PAPLN: variants seen among roughly 807,000 people sequenced by gnomAD.
PAPLN encodes the protein papilin.
PAPLN carries 146 observed loss-of-function variants against 159.0 expected under a neutral mutation model. The observed-to-expected ratio is 0.92, with a 90% CI of 0.80 to 1.05. PAPLN has a LOEUF of 1.05. PAPLN is among the 50% of genes least tolerant of loss of function. The pLI is 0.00. For synonymous variants in PAPLN, 734 were observed against 702.9 expected (o/e 1.04, Z -0.70); for missense variants, 1,720 against 1,743.9 (o/e 0.99, Z 0.24).
Position 73,246,180 on chromosome 14 carries a change from G to A in PAPLN, c.334+5G>A, listed in dbSNP as rs748342502. On this transcript the variant is annotated splice_donor_5th_base_variant and intron_variant, in intron 5 of 26. Coordinates refer to ENST00000644200, the MANE Select transcript of PAPLN (RefSeq NM_001365906.3). ...GGTGGCTGCCCTACTACAGCGGTGAGCGCGGCCGGGACTCGCTCTCTCGGG... is the reference window on the plus strand; with the variant it reads ...GGTGGCTGCCCTACTACAGCGGTGAACGCGGCCGGGACTCGCTCTCTCGGG... 5.7e-6 allele frequency: 9 copies of A among 1,569,928 alleles called. No individual in the cohort carries two copies. In the Admixed American group the frequency reaches 1.7e-4, roughly 30 times the overall value.
At chr14:73,236,568 G>A (rs1004723474), upstream of PAPLN, among the ~76,000 whole-genome samples, 36 of 152,302 alleles carry the variant, frequency 2.4e-4, no homozygotes, top group African/African-American at 7.7e-4. Context: ...TGTAATCCCA[G>A]CACTTTGGGA....
chr14:73,266,100 A>C (rs1240972736), intron 23 of PAPLN, among the ~76,000 whole-genome samples: 1 of 152,230 alleles, frequency 6.6e-6, no homozygotes, highest in African/African-American at 2.4e-5. Flanking sequence ...GCACTATAGG[A>C]GGCCGAGACG....
At chr14:73,268,086 C>T (rs1029206738) in intron 25 of PAPLN, among the ~76,000 whole-genome samples, 5 of 151,822 alleles carry the variant, frequency 3.3e-5, no homozygotes, top group African/African-American at 7.3e-5. Flanking sequence ...TTCTGCTTGC[C>T]GTATGCTCCT....
At chr14:73,270,776 C>G (rs1887647708) in intron 26 of PAPLN, among the ~76,000 whole-genome samples, 1 of 152,100 alleles carries the variant, frequency 6.6e-6, no homozygotes, top group Admixed American at 6.5e-5. Flanking sequence ...GATGTGTGTC[C>G]CAGATGGGAC....
chr14:73,250,778 T>C (rs903146143), intron 6 of PAPLN, 129 bp from the exon 7 acceptor site: 3 of 1,160,156 alleles, frequency 2.6e-6, no homozygotes, highest in Non-Finnish European at 1.1e-6. Flanking sequence ...CCCTGGCTGG[T>C]GGCTGAATCA....
At chr14:73,244,415 CCCTCCAGG>C in intron 2 of PAPLN, 1 of 476,924 alleles carries the variant, frequency 2.1e-6, no homozygotes, top group Non-Finnish European at 3.7e-6. Flanking sequence ...CCTGCTCCCG[CCCTCCAGG>C]CCTGGCTCTC....
chr14:73,260,888 C>T lies in PAPLN; in HGVS notation c.2106+59C>T. The T allele has an allele frequency of 3.3e-6, 5 of 1,493,722 alleles. No homozygotes were observed. In the Admixed American group the frequency reaches 7.0e-5, roughly 21 times the overall value. 92.5% of individuals were successfully genotyped at this position (1,493,722 alleles called of 1,614,324 possible). On this transcript the variant is annotated intron_variant, in intron 17 of 26. Coordinates refer to ENST00000644200, the MANE Select transcript of PAPLN (RefSeq NM_001365906.3). ...GCCAGCCCGTGAGCCTGCTCAGTGTCACTGTGACCCAGGATCTTTGCCGCT... is the reference window on the plus strand; with the variant it reads ...GCCAGCCCGTGAGCCTGCTCAGTGTTACTGTGACCCAGGATCTTTGCCGCT...
rs764959054 is a variant in PAPLN, at chr14:73,254,653, C to T, written c.1443C>T (p.Pro481=). The T allele has an allele frequency of 6.2e-7, 1 of 1,614,020 alleles. No homozygotes were observed. The highest frequency in any genetic ancestry group is 2.2e-5 in the East Asian group (1 of 44,892). The change falls in exon 13 of 27, where the codon CCC becomes CCT. Residue 481 remains proline (P), a synonymous_variant. Transcript: ENST00000644200. Reference sequence around the variant, plus strand: ...AGCCCTGTGTGCATGAGGACTGCCCCCTCCTCAGTGACCAGGCCTGGCATG... The same window carrying T: ...AGCCCTGTGTGCATGAGGACTGCCCTCTCCTCAGTGACCAGGCCTGGCATG... ...LTEPCVHEDC[P]LLSDQAWHVG... is the part of the protein sequence containing the mutation.
chr14:73,252,246 G>T, intron 10 of PAPLN, 105 bp downstream of exon 10: 1 of 1,420,350 alleles, frequency 7.0e-7, no homozygotes, highest in South Asian at 1.5e-5. Context: ...TCCCTCCTGG[G>T]GAGATGGACA....
chr14:73,272,718 A>C lies in PAPLN; in HGVS notation c.*54A>C. The C allele has an allele frequency of 7.0e-7, 1 of 1,425,434 alleles. No individual in the cohort carries two copies. Among genetic ancestry groups the C allele is most frequent in the South Asian group, 1.7e-5 (1 of 60,182 alleles). 88.3% of individuals were successfully genotyped at this position (1,425,434 alleles called of 1,614,324 possible). A position where few individuals can be genotyped will look rare whatever the true frequency, so the allele number is the denominator to read the frequency against. ...AAAATAGTTCATAGGGCTAGGGAGA[A>C]AGGAAGATGGACTCTTGGCTTCCTC... On this transcript the variant is annotated 3_prime_UTR_variant, in exon 27 of 27. Transcript: ENST00000644200.
intron 16 of PAPLN, 36 bp downstream of exon 16, chr14:73,259,581 C>A: frequency 2.0e-6 from 3 of 1,467,434 alleles, no homozygotes; most frequent in Admixed American, 2.5e-5. Flanking sequence ...CCTCCCCCGT[C>A]AAAGAGGGAA....
In PAPLN at chr14:73,266,752, A is replaced by C. The variant is rs1210436701; in HGVS notation, c.3421A>C (p.Thr1141Pro). Residue 1141 changes from threonine (T) to proline (P), a missense_variant, in exon 25 of 27, where the codon ACT (threonine) becomes CCT (proline). Thr to Pro is a conservative substitution (Grantham distance 38, BLOSUM62 -1). Transcript: ENST00000644200. ...GELTISGLPP[T>P]VTVPEGDTAR... ...GCTGACAATCTCAGGACTGCCCCCT[A>C]CTGTGACAGTGCCAGAGGGTGATAC... 2 of 1,613,990 alleles carry C rather than the reference A, an allele frequency of 1.2e-6. No individual in the cohort carries two copies. The highest frequency in any genetic ancestry group is 1.1e-5 in the South Asian group (1 of 91,060).
At chr14:73,252,832 G>A (rs931904056) in intron 11 of PAPLN, 57 bp downstream of exon 11, 4 of 1,604,164 alleles carry the variant, frequency 2.5e-6, no homozygotes, top group African/African-American at 1.3e-5. Flanking sequence ...GGGTGGGAAG[G>A]GAACAAGGCC....
chr14:73,268,856 C>G, intron 26 of PAPLN, 133 bp downstream of exon 26: 2 of 1,157,354 alleles, frequency 1.7e-6, no homozygotes, highest in South Asian at 3.4e-5. Context: ...GGTAGTGTGA[C>G]TTGGGGCAAG....
intron 17 of PAPLN, 134 bp downstream of exon 17, chr14:73,260,963 C>A: frequency 7.1e-7 from 1 of 1,410,486 alleles, no homozygotes; most frequent in Non-Finnish European, 9.4e-7. Flanking sequence ...CTGGGTCATC[C>A]TCTGGAGGGC....
intron 26 of PAPLN, 39 bp from the exon 27 acceptor site, chr14:73,272,456 G>A (rs748368139): frequency 2.0e-6 from 3 of 1,472,328 alleles, no homozygotes; most frequent in Non-Finnish European, 2.7e-6. Context: ...CATACACAGA[G>A]CTTCCTCACC....
intron 5 of PAPLN, 116 bp from the exon 6 acceptor site, chr14:73,249,868 G>C (rs1791690473): frequency 8.1e-7 from 1 of 1,231,820 alleles, no homozygotes; most frequent in South Asian, 1.7e-5. Flanking sequence ...GTGCTCTGCG[G>C]GGCCTGCTGC....
chr14:73,244,914 G>A, intron 3 of PAPLN, 155 bp downstream of exon 3: 1 of 603,428 alleles, frequency 1.7e-6, no homozygotes, highest in South Asian at 2.1e-5. Context: ...CATCAGTTCA[G>A]CGCAGGAAAT....
rs776974009 is a variant in PAPLN at position 73,265,321 on chromosome 14, C to T, written c.3126-49C>T. The T allele has an allele frequency of 1.3e-5, 20 of 1,586,274 alleles. No homozygotes were observed. The highest frequency in any genetic ancestry group is 5.4e-5 in the African/African-American group (4 of 74,644). Reference sequence around the variant, plus strand: ...GTGCAGAGGTGCCCATGGGAGTAGGCGGGGGCAACGGCAAGGGCCCCTCAT... The same window carrying T: ...GTGCAGAGGTGCCCATGGGAGTAGGTGGGGGCAACGGCAAGGGCCCCTCAT... On this transcript the variant is annotated intron_variant, in intron 22 of 26. Coordinates refer to ENST00000644200, the MANE Select transcript of PAPLN (RefSeq NM_001365906.3). This position sits in a 1 kb window ranked among gnomAD's most constrained non-coding sequence, Gnocchi z 4.1.
Sources: gnomAD v4.1 joint callset for allele counts (sites outside exome capture counted in the v4.1 genomes callset) on GRCh38, gnomAD v4.1.1 for gene constraint, Gnocchi (gnomAD v3.1) non-coding constraint, MANE v1.5 for transcripts, NCBI Gene and HGNC (gene_info 2026-07-23, HGNC 2026-07-21) for gene names.